The following ASB18 variants were observed in gnomAD, a reference collection of about 807,000 sequenced individuals.
The protein encoded by ASB18 is ankyrin repeat and SOCS box protein 18.
Under a neutral mutation model 33.4 loss-of-function variants are expected in ASB18, and 33 were observed. The ratio of observed to expected loss-of-function variants is 0.99; its 90% CI spans 0.75 to 1.32. The LOEUF (loss-of-function observed/expected upper bound fraction) is 1.32, where lower values mean the gene tolerates loss of function less well. ASB18 is among the 40% of genes most tolerant of loss of function. The pLI, the probability that ASB18 is intolerant of heterozygous loss-of-function variation, is 0.00. For synonymous variants in ASB18, 295 were observed against 307.6 expected (o/e 0.96, Z 0.43); for missense variants, 694 against 655.5 (o/e 1.06, Z -0.64).
rs1051600823 is a variant in ASB18 at position 236,241,736 on chromosome 2, G to A, written c.206-334C>T. ...GCCGCAGTACTCAGCCACCCTCTTT[G>A]TGATGATACAGATGCTAACTCTGGA... On this transcript the variant is annotated intron_variant, in intron 1 of 5. Coordinates refer to ENST00000409749, the MANE Select transcript of ASB18 (RefSeq NM_212556.4). The surrounding 1 kb of genome is among the most constrained non-coding windows in gnomAD (Gnocchi z 4.2). 1.3e-5 allele frequency among the ~76,000 whole-genome samples: 2 copies of A among 152,152 alleles called. No homozygotes were observed. The highest frequency in any genetic ancestry group is 2.9e-5 in the Non-Finnish European group (2 of 68,026).
intron 3 of ASB18, among the ~76,000 whole-genome samples, chr2:236,233,136 C>T (rs989455821): frequency 6.6e-6 from 1 of 152,074 alleles, no homozygotes; most frequent in Non-Finnish European, 1.5e-5. Flanking sequence ...GTTGGTTTAA[C>T]ATTTGAAAAT....
Position 236,202,602 on chromosome 2 carries a change from C to T in ASB18, c.1102-6217G>A, listed in dbSNP as rs534565041. On this transcript the variant is annotated intron_variant, in intron 4 of 5. Coordinates refer to ENST00000409749, the MANE Select transcript of ASB18 (RefSeq NM_212556.4). ...TTGGGAGGCTGAGGCGGGTAGATCA[C>T]GAGGTCAAGAGATGGAGACCATCCT... is the stretch of plus-strand genomic sequence containing the variant. Among the ~76,000 whole-genome samples, 14 of 151,636 alleles carry T rather than the reference C, an allele frequency of 9.2e-5. No individual in the cohort carries two copies. In the East Asian group the frequency reaches 2.7e-3, roughly 30 times the overall value.
intron 4 of ASB18, chr2:236,210,490 A>G (rs952048360): frequency 1.3e-5 from 2 of 152,190 alleles, no homozygotes; most frequent in African/African-American, 2.4e-5. Context: ...GCAATCCATA[A>G]GTCTCACCCT....
rs1267283841 is a variant in ASB18 at position 236,208,524 on chromosome 2, T to C, written c.1101+5838A>G. 6.6e-6 allele frequency among the ~76,000 whole-genome samples: 1 copy of C among 152,034 alleles called. No homozygotes were observed. Among genetic ancestry groups the C allele is most frequent in the Non-Finnish European group, 1.5e-5 (1 of 68,004 alleles). On this transcript the variant is annotated intron_variant, in intron 4 of 5. Coordinates refer to ENST00000409749, the MANE Select transcript of ASB18 (RefSeq NM_212556.4). This position sits in a 1 kb window ranked among gnomAD's most constrained non-coding sequence, Gnocchi z 7.7. ...CTGGCCCTGTCACTTCTCTGCAAAA[T>C]GTTAAATGGCTCCCAGGGACTGCAG...
rs556385944 is a variant in ASB18 at position 236,262,889 on chromosome 2, G to A, written c.205+1252C>T. 6.6e-6 allele frequency among the ~76,000 whole-genome samples: 1 copy of A among 152,154 alleles called. No homozygotes were observed. ...AGAAAGTAGACCCAAACCAAGGGGGGGGGGCGGACCCCCTCGGAAGTTCCA... is the reference window on the plus strand; with the variant it reads ...AGAAAGTAGACCCAAACCAAGGGGGAGGGGCGGACCCCCTCGGAAGTTCCA... On this transcript the variant is annotated intron_variant, in intron 1 of 5. Transcript: ENST00000409749. This position sits in a 1 kb window ranked among gnomAD's most constrained non-coding sequence, Gnocchi z 5.2.
Position 236,252,540 on chromosome 2 carries a change from C to T in ASB18, c.206-11138G>A, listed in dbSNP as rs2060672927. On this transcript the variant is annotated intron_variant, in intron 1 of 5. Transcript: ENST00000409749. This position sits in a 1 kb window ranked among gnomAD's most constrained non-coding sequence, Gnocchi z 7.9. ...AGGACACGGAAGGTGCATTTCCTCC[C>T]CAGGATGTCTGTTTTCTCCTCTTGA... 6.6e-6 allele frequency among the ~76,000 whole-genome samples: 1 copy of T among 151,998 alleles called. No homozygotes were observed. Among genetic ancestry groups the T allele is most frequent in the Non-Finnish European group, 1.5e-5 (1 of 67,982 alleles).
chr2:236,224,359 C>T (rs1366128323), intron 3 of ASB18, among the ~76,000 whole-genome samples: 1 of 151,740 alleles, frequency 6.6e-6, no homozygotes, highest in Non-Finnish European at 1.5e-5. Flanking sequence ...AGGCTTTTGC[C>T]CTGAGTGTAA....
Position 236,256,476 on chromosome 2 carries a change from G to A in ASB18, c.205+7665C>T, listed in dbSNP as rs966917394. Among the ~76,000 whole-genome samples, 4 of 152,204 alleles carry A rather than the reference G, an allele frequency of 2.6e-5. No homozygotes were observed. The highest frequency in any genetic ancestry group is 9.7e-5 in the African/African-American group (4 of 41,448). ...GAATCAGGCTACAGAGAGCATGCCTGCCATTTCCAATTAGTTCCTTCGGAA... is the reference window on the plus strand; with the variant it reads ...GAATCAGGCTACAGAGAGCATGCCTACCATTTCCAATTAGTTCCTTCGGAA... On this transcript the variant is annotated intron_variant, in intron 1 of 5. Coordinates refer to ENST00000409749, the MANE Select transcript of ASB18 (RefSeq NM_212556.4). The surrounding 1 kb of genome is among the most constrained non-coding windows in gnomAD (Gnocchi z 4.7).
At chr2:236,236,540 G>A (rs1172897659) in intron 3 of ASB18, among the ~76,000 whole-genome samples, 1 of 152,136 alleles carries the variant, frequency 6.6e-6, no homozygotes, top group Non-Finnish European at 1.5e-5. Context: ...ATCACACCTC[G>A]GTAAAGCTGC....
Position 236,225,870 on chromosome 2 carries a change from C to T in ASB18, c.597-11004G>A, listed in dbSNP as rs1048905525. Among the ~76,000 whole-genome samples the T allele has an allele frequency of 6.6e-6, 1 of 151,888 alleles. No individual in the cohort carries two copies. Among genetic ancestry groups the T allele is most frequent in the African/African-American group, 2.4e-5 (1 of 41,326 alleles). ...TCCTGTGCCCATGGCGAATTGCCAA[C>T]TAAAAGGGGATGGAGCAGAACGGGG... On this transcript the variant is annotated intron_variant, in intron 3 of 5. Coordinates refer to ENST00000409749, the MANE Select transcript of ASB18 (RefSeq NM_212556.4). The surrounding 1 kb of genome is among the most constrained non-coding windows in gnomAD (Gnocchi z 5.1).
rs1399721989 is a variant in ASB18 at position 236,264,088 on chromosome 2, A to G, written c.205+53T>C. ...TCTACCTCCAGGATCTGCCCACCCC[A>G]TCAGTGTAACTTAGTAATTAAATCC... On this transcript the variant is annotated intron_variant, in intron 1 of 5. Transcript: ENST00000409749. The surrounding 1 kb of genome is among the most constrained non-coding windows in gnomAD (Gnocchi z 5.1). 2.6e-6 allele frequency: 4 copies of G among 1,531,448 alleles called. No individual in the cohort carries two copies. The highest frequency in any genetic ancestry group is 1.1e-5 in the South Asian group (1 of 87,600). The allele number at this position is 1,531,448 out of a possible 1,614,324, so 94.9% of individuals were successfully genotyped here.
chr2:236,234,258 G>A lies in ASB18; in HGVS notation c.596+3431C>T, dbSNP rs1436926284. On this transcript the variant is annotated intron_variant, in intron 3 of 5. Transcript: ENST00000409749. The surrounding 1 kb of genome is among the most constrained non-coding windows in gnomAD (Gnocchi z 4.1). ...CCCCTCCCCTGGCTATGTCCCCTAG[G>A]AGGCTGCTATGAGATGGTTTCTCAA... Among the ~76,000 whole-genome samples the A allele has an allele frequency of 1.3e-5, 2 of 152,172 alleles. No homozygotes were observed. The highest frequency in any genetic ancestry group is 1.3e-4 in the Admixed American group (2 of 15,276).
rs1365850524 is a variant in ASB18, at chr2:236,200,845, A to G, written c.1102-4460T>C. Among the ~76,000 whole-genome samples the G allele has an allele frequency of 6.6e-6, 1 of 152,066 alleles. No individual in the cohort carries two copies. Among genetic ancestry groups the G allele is most frequent in the Non-Finnish European group, 1.5e-5 (1 of 67,998 alleles). On this transcript the variant is annotated intron_variant, in intron 4 of 5. Coordinates refer to ENST00000409749, the MANE Select transcript of ASB18 (RefSeq NM_212556.4). The surrounding 1 kb of genome is among the most constrained non-coding windows in gnomAD (Gnocchi z 4.2). Reference sequence around the variant, plus strand: ...GTTTTTCCATTTTACTCCTTTTTTCAAGAAATCAGCTATTGGATTTTGTTG... The same window carrying G: ...GTTTTTCCATTTTACTCCTTTTTTCGAGAAATCAGCTATTGGATTTTGTTG...
chr2:236,249,911 A>G lies in ASB18; in HGVS notation c.206-8509T>C, dbSNP rs2106283793. 6.6e-6 allele frequency: 1 copy of G among 152,322 alleles called. No individual in the cohort carries two copies. Among genetic ancestry groups the G allele is most frequent in the Non-Finnish European group, 1.5e-5 (1 of 68,030 alleles). 9.4% of individuals were successfully genotyped at this position (152,322 alleles called of 1,614,324 possible). On this transcript the variant is annotated intron_variant, in intron 1 of 5. Transcript: ENST00000409749. The surrounding 1 kb of genome is among the most constrained non-coding windows in gnomAD (Gnocchi z 4.6). ...TACTTTTGCAAAGAATATTTTGGAG[A>G]CTTAAATAATAAGCATGATGTTTTG...
At position 236,253,437 on chromosome 2, in the gene ASB18, G is replaced by A. The variant is rs150192857; in HGVS notation, c.205+10704C>T. Among the ~76,000 whole-genome samples the A allele has an allele frequency of 9.7e-3, 1,469 of 152,210 alleles. 30 individuals carry two copies. The highest frequency in any genetic ancestry group is 0.033 in the African/African-American group (1,381 of 41,508). On this transcript the variant is annotated intron_variant, in intron 1 of 5. Transcript: ENST00000409749. The surrounding 1 kb of genome is among the most constrained non-coding windows in gnomAD (Gnocchi z 5.4). ...CTGTTGCCTAGGCTAGAGTACAGTG[G>A]CACAGTCATAGCTCACTGTAACCTG...
At position 236,208,430 on chromosome 2, in the gene ASB18, C is replaced by T. The variant is rs1020288059; in HGVS notation, c.1101+5932G>A. Among the ~76,000 whole-genome samples the T allele has an allele frequency of 6.6e-6, 1 of 152,214 alleles. No homozygotes were observed. Among genetic ancestry groups the T allele is most frequent in the African/African-American group, 2.4e-5 (1 of 41,460 alleles). On this transcript the variant is annotated intron_variant, in intron 4 of 5. Transcript: ENST00000409749. This position sits in a 1 kb window ranked among gnomAD's most constrained non-coding sequence, Gnocchi z 7.7. ...GCTGGACCCCTCGGGATGGAGTCTG[C>T]TGCTATTTATCTGGTACCCTAGGCG...
chr2:236,241,386 C>T lies in ASB18; in HGVS notation c.222G>A (p.Leu74=). 6.2e-7 allele frequency: 1 copy of T among 1,614,008 alleles called. No individual in the cohort carries two copies. The highest frequency in any genetic ancestry group is 1.1e-5 in the South Asian group (1 of 91,088). The change falls in exon 2 of 6, where the codon CTG becomes CTA. Residue 74 remains leucine (L), a synonymous_variant. Transcript: ENST00000409749. The surrounding 1 kb of genome is among the most constrained non-coding windows in gnomAD (Gnocchi z 4.2). ...GGAAGAACTGGTCCATGAGGGGCTT[C>T]AGATGGTCGAGGTCCCCTGCGACCA... ...TGMLLGDLDH[L]KPLMDQFFQD... is the part of the protein sequence containing the mutation.
Position 236,237,681 on chromosome 2 carries a change from G to A in ASB18, c.596+8C>T. On this transcript the variant is annotated splice_region_variant and intron_variant, in intron 3 of 5. Transcript: ENST00000409749. The surrounding 1 kb of genome is among the most constrained non-coding windows in gnomAD (Gnocchi z 6.2). ...GCGGACGCCGCGGGCCTGTCCCGAG[G>A]TCCTTACCCGAGCGAGGCGGCCGTG... 1 of 1,443,362 alleles carries A rather than the reference G, an allele frequency of 6.9e-7. No individual in the cohort carries two copies. Among genetic ancestry groups the A allele is most frequent in the South Asian group, 1.4e-5 (1 of 73,256 alleles). The allele number at this position is 1,443,362 out of a possible 1,614,324, so 89.4% of individuals were successfully genotyped here. A position where few individuals can be genotyped will look rare whatever the true frequency, so the allele number is the denominator to read the frequency against.
rs1559331804 is a variant in ASB18 at position 236,222,115 on chromosome 2, T to G, written c.597-7249A>C. On this transcript the variant is annotated intron_variant, in intron 3 of 5. Transcript: ENST00000409749. This position sits in a 1 kb window ranked among gnomAD's most constrained non-coding sequence, Gnocchi z 5.5. ...CGATGAAGGACGGGGAAGCCACAGC[T>G]CCACGACTTTGATGGAGGAGCGGTT... 6.6e-6 allele frequency among the ~76,000 whole-genome samples: 1 copy of G among 152,180 alleles called. No individual in the cohort carries two copies. Among genetic ancestry groups the G allele is most frequent in the Non-Finnish European group, 1.5e-5 (1 of 68,024 alleles).
Sources: gnomAD v4.1 joint callset for allele counts (sites outside exome capture counted in the v4.1 genomes callset) on GRCh38, gnomAD v4.1.1 for gene constraint, Gnocchi (gnomAD v3.1) non-coding constraint, MANE v1.5 for transcripts, NCBI Gene and HGNC (gene_info 2026-07-23, HGNC 2026-07-21) for gene names.